Variants in APC observed in about 807,000 individuals in gnomAD.
APC encodes the protein APC regulator of Wnt signaling pathway, also known as adenomatous polyposis coli protein.
In APC, 72 loss-of-function variants were observed where a neutral mutation model predicts 247.0. The observed-to-expected ratio is 0.29, with a 90% CI of 0.24 to 0.35. The LOEUF (loss-of-function observed/expected upper bound fraction) is 0.35, where lower values mean the gene tolerates loss of function less well. Among genes scored for constraint, APC ranks in the 10% least tolerant of loss-of-function variants. APC has a pLI of 1.00. For synonymous variants in APC, 1,254 were observed against 1,162.5 expected (o/e 1.08, Z -1.60); for missense variants, 3,400 against 3,360.7 (o/e 1.01, Z -0.29).
chr5:112,721,716 G>A (rs1751493599), intron 1 of APC, among the ~76,000 whole-genome samples: 1 of 152,056 alleles, frequency 6.6e-6, no homozygotes, highest in South Asian at 2.1e-4. Context: ...GAAAGGAGGA[G>A]AAATGGTTTG....
chr5:112,750,210 G>A (rs576403267), intron 1 of APC, among the ~76,000 whole-genome samples: 24 of 152,010 alleles, frequency 1.6e-4, no homozygotes, highest in Admixed American at 9.8e-4. Context: ...TGATCCGCCC[G>A]CTTCAGCCTC....
chr5:112,752,155 T>G (rs1754458033), intron 1 of APC, among the ~76,000 whole-genome samples: 1 of 152,154 alleles, frequency 6.6e-6, no homozygotes, highest in African/African-American at 2.4e-5. Flanking sequence ...AGAGTCATCT[T>G]TTATGATTCT....
chr5:112,759,289 T>C (rs1755372877), intron 2 of APC, among the ~76,000 whole-genome samples: 1 of 151,816 alleles, frequency 6.6e-6, no homozygotes, highest in Admixed American at 6.6e-5. Flanking sequence ...TGCTCATAGA[T>C]AAATATCACT....
intron 1 of APC, among the ~76,000 whole-genome samples, chr5:112,738,621 G>A (rs972113920): frequency 1.3e-5 from 2 of 152,152 alleles, no homozygotes; most frequent in South Asian, 2.1e-4. Flanking sequence ...GGCTTTTTGC[G>A]GACGACTGCA....
At chr5:112,804,528 T>C (rs1189369927) in intron 8 of APC, among the ~76,000 whole-genome samples, 2 of 152,096 alleles carry the variant, frequency 1.3e-5, no homozygotes, top group African/African-American at 4.8e-5. Flanking sequence ...TACAGGTGTG[T>C]GCCACCACAC....
At chr5:112,814,836 G>A (rs1308417822) in intron 8 of APC, among the ~76,000 whole-genome samples, 1 of 152,078 alleles carries the variant, frequency 6.6e-6, no homozygotes, top group Non-Finnish European at 1.5e-5. Context: ...AACACTCCAC[G>A]CTCTCCGTAT....
intron 5 of APC, chr5:112,777,833 T>G: frequency 4.1e-6 from 1 of 246,430 alleles, no homozygotes; most frequent in Non-Finnish European, 8.6e-6. Context: ...GATCAAGACA[T>G]CTGGCAAAGC....
At chr5:112,784,995 T>C (rs1183300440) in intron 6 of APC, among the ~76,000 whole-genome samples, 2 of 151,998 alleles carry the variant, frequency 1.3e-5, no homozygotes, top group African/African-American at 2.4e-5. Flanking sequence ...GCTTAGGAAT[T>C]AGAGGTTGCA....
At chr5:112,721,658 T>G (rs1302036930) in intron 1 of APC, among the ~76,000 whole-genome samples, 1 of 151,936 alleles carries the variant, frequency 6.6e-6, no homozygotes. Flanking sequence ...CTAGAGGCAA[T>G]AGAGGGTACA....
intron 8 of APC, among the ~76,000 whole-genome samples, chr5:112,807,362 C>G (rs1302283453): frequency 6.6e-6 from 1 of 151,942 alleles, no homozygotes; most frequent in Non-Finnish European, 1.5e-5. Flanking sequence ...ACCCTTTATT[C>G]TTTTTATACG....
intron 1 of APC, among the ~76,000 whole-genome samples, chr5:112,746,466 A>C (rs1186154908): frequency 6.6e-6 from 1 of 152,204 alleles, no homozygotes; most frequent in East Asian, 1.9e-4. Context: ...TAAAAATTCT[A>C]AGTGAAATAT....
Position 112,845,655 on chromosome 5 carries a change from A to C in APC, c.*1529A>C, listed in dbSNP as rs764894873. The C allele has an allele frequency of 4.3e-6, 1 of 232,110 alleles. No homozygotes were observed. Among genetic ancestry groups the C allele is most frequent in the Non-Finnish European group, 8.5e-6 (1 of 117,336 alleles). The allele number at this position is 232,110 out of a possible 1,614,324, so 14.4% of individuals were successfully genotyped here. ...AGGAAACTTTATTTGTGGTAGGTACAGTTCTGGGGTACATGTTAAGTGTCC... is the reference window on the plus strand; with the variant it reads ...AGGAAACTTTATTTGTGGTAGGTACCGTTCTGGGGTACATGTTAAGTGTCC... On this transcript the variant is annotated 3_prime_UTR_variant, in exon 16 of 16. Transcript: ENST00000257430.
intron 7 of APC, among the ~76,000 whole-genome samples, chr5:112,797,558 A>G (rs1209306162): frequency 6.6e-6 from 1 of 152,186 alleles, no homozygotes; most frequent in East Asian, 1.9e-4. Flanking sequence ...GAAGTTACAT[A>G]AAGGTATGTG....
chr5:112,712,453 CACA>C (rs1186436808), intron 1 of APC, among the ~76,000 whole-genome samples: 1 of 152,072 alleles, frequency 6.6e-6, no homozygotes, highest in Non-Finnish European at 1.5e-5. Flanking sequence ...GTGGCATAAT[CACA>C]ACTCACTGTA....
intron 2 of APC, among the ~76,000 whole-genome samples, chr5:112,765,591 CA>C (rs1489825361): frequency 6.6e-6 from 1 of 151,998 alleles, no homozygotes; most frequent in African/African-American, 2.4e-5. Context: ...CCTGATTGGC[CA>C]AAGAACTATG....
At chr5:112,786,273 A>G (rs1018319941) in intron 6 of APC, among the ~76,000 whole-genome samples, 1 of 152,142 alleles carries the variant, frequency 6.6e-6, no homozygotes, top group Non-Finnish European at 1.5e-5. Context: ...TTTTTAATGG[A>G]CAGAGGATGT....
intron 6 of APC, 111 bp downstream of exon 6, chr5:112,781,014 A>G (rs1758280587): frequency 1.3e-6 from 1 of 781,822 alleles, no homozygotes. Flanking sequence ...GGCTGTGTTT[A>G]TTTTGGCTCT....
At chr5:112,797,367 CA>C (rs1322589944) in intron 7 of APC, among the ~76,000 whole-genome samples, 2 of 152,110 alleles carry the variant, frequency 1.3e-5, no homozygotes, top group African/African-American at 4.8e-5. Flanking sequence ...TGGACACTTG[CA>C]AATTAGTTCA....
chr5:112,806,552 CTTTATTTA>C (rs66460614), intron 8 of APC, among the ~76,000 whole-genome samples: 5,504 of 145,648 alleles, frequency 0.038, 129 homozygotes, highest in African/African-American at 0.072. Context: ...TGGTTCTCAA[CTTTATTTA>C]TTTATTTATT....
Sources: allele counts gnomAD v4.1 joint callset (sites outside exome capture counted in the v4.1 genomes callset), GRCh38; gene constraint gnomAD v4.1.1; transcripts MANE v1.5; gene names NCBI Gene and HGNC (gene_info 2026-07-23, HGNC 2026-07-21).